EPHB1: variants seen among roughly 807,000 people sequenced by gnomAD.
The protein encoded by EPHB1 is EPH receptor B1.
In EPHB1, 30 loss-of-function variants were observed where a neutral mutation model predicts 94.4. The observed-to-expected ratio is 0.32, with a 90% CI of 0.24 to 0.43. The LOEUF (loss-of-function observed/expected upper bound fraction) is 0.43. Ranked by LOEUF, EPHB1 falls within the 20% of genes least tolerant of loss-of-function variation. The pLI is 1.00. For synonymous variants in EPHB1, 522 were observed against 489.1 expected (o/e 1.07, Z -0.89); for missense variants, 1,055 against 1,308.3 (o/e 0.81, Z 2.99).
chr3:134,935,759 GA>G (rs1455877128), intron 2 of EPHB1, among the ~76,000 whole-genome samples: 1 of 152,164 alleles, frequency 6.6e-6, no homozygotes, highest in Non-Finnish European at 1.5e-5. Context: ...AGATCAACAT[GA>G]TAGGTTGTGA....
At chr3:135,093,149 A>G (rs1938619015) in intron 3 of EPHB1, among the ~76,000 whole-genome samples, 2 of 152,316 alleles carry the variant, frequency 1.3e-5, no homozygotes, top group South Asian at 4.1e-4. Context: ...AGAATGAGAG[A>G]ATGTCTATAA....
At chr3:135,233,327 A>G (rs1055891548) in intron 12 of EPHB1, among the ~76,000 whole-genome samples, 1 of 152,232 alleles carries the variant, frequency 6.6e-6, no homozygotes, top group Non-Finnish European at 1.5e-5. Flanking sequence ...TACAGGCCCC[A>G]TGCAAGTCCA....
intron 1 of EPHB1, among the ~76,000 whole-genome samples, chr3:134,901,910 T>C (rs943291507): frequency 6.6e-6 from 1 of 152,172 alleles, no homozygotes; most frequent in African/African-American, 2.4e-5. Flanking sequence ...AGAGTGGATG[T>C]GACATATTCA....
chr3:135,007,811 T>C lies in EPHB1; in HGVS notation c.805+55759T>C, dbSNP rs72975513. On this transcript the variant is annotated intron_variant, in intron 3 of 15. Coordinates refer to ENST00000398015, the MANE Select transcript of EPHB1 (RefSeq NM_004441.5). ...TTCCAGCTTTCTGTCACTTCCTGAT[T>C]TGATATACATCTTGTTAAATACTTT... is the stretch of plus-strand genomic sequence containing the variant. 3.8e-3 allele frequency among the ~76,000 whole-genome samples: 579 copies of C among 152,370 alleles called. 5 individuals are homozygous for C. Among genetic ancestry groups the C allele is most frequent in the African/African-American group, 0.012 (512 of 41,588 alleles).
chr3:135,041,749 TAAAC>T (rs1936851145), intron 3 of EPHB1, among the ~76,000 whole-genome samples: 1 of 152,280 alleles, frequency 6.6e-6, no homozygotes, highest in African/African-American at 2.4e-5. Context: ...TAATTTATAA[TAAAC>T]AAAAATTTGT....
chr3:135,022,807 C>T (rs1936029213), intron 3 of EPHB1, among the ~76,000 whole-genome samples: 1 of 152,136 alleles, frequency 6.6e-6, no homozygotes, highest in African/African-American at 2.4e-5. Context: ...TATTACTCAC[C>T]TCCAGCTTCC....
In EPHB1 at chr3:135,241,286, T is replaced by C. The variant is rs1339928994; in HGVS notation, c.2485T>C (p.Ser829Pro). 6.2e-7 allele frequency: 1 copy of C among 1,614,158 alleles called. No individual in the cohort carries two copies. Among genetic ancestry groups the C allele is most frequent in the African/African-American group, 1.3e-5 (1 of 75,040 alleles). ...SFGERPYWDM[S>P]NQDVINAIEQ... ...TGGAGAGAGACCCTATTGGGATATG[T>C]CCAACCAAGATGTGAGTGTCAGCAG... The change falls in exon 13 of 16, where the codon TCC (serine) becomes CCC (proline). Residue 829 changes from serine (S) to proline (P), a missense_variant. Coordinates refer to ENST00000398015, the MANE Select transcript of EPHB1 (RefSeq NM_004441.5).
chr3:134,822,513 A>G (rs1481421348), intron 1 of EPHB1, among the ~76,000 whole-genome samples: 1 of 152,200 alleles, frequency 6.6e-6, no homozygotes, highest in Non-Finnish European at 1.5e-5. Context: ...AAAGTCAGGA[A>G]GTTGCCTAAA....
At chr3:135,001,501 T>G (rs1367106032) in intron 3 of EPHB1, among the ~76,000 whole-genome samples, 1 of 152,184 alleles carries the variant, frequency 6.6e-6, no homozygotes, top group Non-Finnish European at 1.5e-5. Context: ...ATATGCCAAT[T>G]TAAAGTATTG....
chr3:135,178,226 G>GGGT (rs1553744904), intron 9 of EPHB1, among the ~76,000 whole-genome samples: 5 of 149,004 alleles, frequency 3.4e-5, no homozygotes, highest in Admixed American at 2.0e-4. Context: ...GGCCGGGGAG[G>GGGT]GGGGGTGGAT....
chr3:134,882,652 C>T (rs574911736), intron 1 of EPHB1, among the ~76,000 whole-genome samples: 6 of 150,534 alleles, frequency 4.0e-5, no homozygotes, highest in Non-Finnish European at 5.9e-5. Context: ...CTCTTGCAAT[C>T]TTTCTCTCCT....
chr3:134,874,288 T>A (rs2037568866), intron 1 of EPHB1, among the ~76,000 whole-genome samples: 1 of 152,136 alleles, frequency 6.6e-6, no homozygotes, highest in Non-Finnish European at 1.5e-5. Context: ...ACACCGCATG[T>A]TCTCACTCAT....
chr3:134,919,654 A>G (rs2038640149), intron 1 of EPHB1, among the ~76,000 whole-genome samples: 1 of 152,162 alleles, frequency 6.6e-6, no homozygotes, highest in Non-Finnish European at 1.5e-5. Context: ...TTCCATGCCA[A>G]TAGGGCTGGC....
chr3:135,094,761 C>T (rs918336007), intron 3 of EPHB1, among the ~76,000 whole-genome samples: 1 of 152,312 alleles, frequency 6.6e-6, no homozygotes, highest in Non-Finnish European at 1.5e-5. Flanking sequence ...GCTAAGGAAC[C>T]AGCCCATGGG....
At chr3:134,983,874 G>A (rs1274678584) in intron 3 of EPHB1, among the ~76,000 whole-genome samples, 1 of 152,190 alleles carries the variant, frequency 6.6e-6, no homozygotes. Context: ...TCTCTCAGCA[G>A]TATTGCCACC....
intron 1 of EPHB1, among the ~76,000 whole-genome samples, chr3:134,878,067 G>A (rs1372165450): frequency 1.3e-5 from 2 of 152,184 alleles, no homozygotes; most frequent in South Asian, 2.1e-4. Flanking sequence ...GCCTTCCCCC[G>A]GAGGGCAGGC....
rs533329722 is a variant in EPHB1 at position 135,234,209 on chromosome 3, C to T, written c.2347-6939C>T. Among the ~76,000 whole-genome samples, 3 of 152,262 alleles carry T rather than the reference C, an allele frequency of 2.0e-5. No individual in the cohort carries two copies. In the East Asian group the frequency reaches 5.8e-4, roughly 29 times the overall value. ...CTTAGAAATTTCTTCTGCCAGATTC[C>T]CCAAATAATCTCTCTCAAGTTCAAA... On this transcript the variant is annotated intron_variant, in intron 12 of 15. Transcript: ENST00000398015.
rs151172247 is a variant in EPHB1, at chr3:135,211,246, A to T, written c.2346+9557A>T. On this transcript the variant is annotated intron_variant, in intron 12 of 15. Transcript: ENST00000398015. ...CACTCCCACTGCTCTTTATGTTATC[A>T]TTGTTATATATGTTCCATCTACATA... Among the ~76,000 whole-genome samples, 238 of 152,330 alleles carry T rather than the reference A, an allele frequency of 1.6e-3. 1 individual carries two copies. Among genetic ancestry groups the T allele is most frequent in the African/African-American group, 5.5e-3 (229 of 41,582 alleles).
At chr3:134,937,482 C>T (rs1327165480) in intron 2 of EPHB1, among the ~76,000 whole-genome samples, 1 of 152,246 alleles carries the variant, frequency 6.6e-6, no homozygotes, top group Non-Finnish European at 1.5e-5. Context: ...TCTCTTGTTT[C>T]CAAGACAGCT....
Sources: allele counts gnomAD v4.1 joint callset (sites outside exome capture counted in the v4.1 genomes callset), GRCh38; gene constraint gnomAD v4.1.1; transcripts MANE v1.5; gene names NCBI Gene and HGNC (gene_info 2026-07-23, HGNC 2026-07-21).